VEPH1: variants seen among roughly 807,000 people sequenced by gnomAD.
The protein encoded by VEPH1 is ventricular zone expressed PH domain containing 1.
In VEPH1, 80 loss-of-function variants were observed where a neutral mutation model predicts 85.2. The observed-to-expected ratio is 0.94, with a 90% CI of 0.78 to 1.13. VEPH1 has a LOEUF of 1.13. VEPH1 is among the 50% of genes most tolerant of loss of function. VEPH1 has a pLI of 0.00. For synonymous variants in VEPH1, 297 were observed against 348.0 expected, an observed-to-expected ratio of 0.85 and a Z score of 1.63; for missense variants, 955 against 980.5, an observed-to-expected ratio of 0.97 and a Z score of 0.35.
chr3:157,479,040 T>A (rs906155262), intron 2 of VEPH1, among the ~76,000 whole-genome samples: 1 of 152,078 alleles, frequency 6.6e-6, no homozygotes, highest in African/African-American at 2.4e-5. Flanking sequence ...CAAAAAAAAA[T>A]TTTAACCTGT....
At chr3:157,349,469 G>T (rs1165477780) in intron 9 of VEPH1, among the ~76,000 whole-genome samples, 1 of 152,100 alleles carries the variant, frequency 6.6e-6, no homozygotes, top group Non-Finnish European at 1.5e-5. Context: ...TTAAGAACTG[G>T]AACAGGATTA....
chr3:157,394,362 T>A (rs1355418642), intron 6 of VEPH1, among the ~76,000 whole-genome samples: 1 of 152,216 alleles, frequency 6.6e-6, no homozygotes, highest in African/African-American at 2.4e-5. Flanking sequence ...TTTCCTAAGT[T>A]TGAATCTGGC....
At chr3:157,327,724 T>C (rs182100448) in intron 9 of VEPH1, among the ~76,000 whole-genome samples, 1 of 152,300 alleles carries the variant, frequency 6.6e-6, no homozygotes, top group African/African-American at 2.4e-5. Context: ...TTGGTGCATA[T>C]AGACTTGCAA....
intron 9 of VEPH1, among the ~76,000 whole-genome samples, chr3:157,320,908 G>T (rs10936079): frequency 0.47 from 71,709 of 151,816 alleles, 18,610 homozygotes; most frequent in Admixed American, 0.61. Flanking sequence ...TTTATATGCC[G>T]TTATTCCTGC....
intron 4 of VEPH1, among the ~76,000 whole-genome samples, chr3:157,451,063 C>G (rs966374804): frequency 4.7e-4 from 72 of 152,242 alleles, no homozygotes; most frequent in African/African-American, 1.7e-3. Flanking sequence ...GTATTGATAT[C>G]ATGGTATTGA....
intron 7 of VEPH1, among the ~76,000 whole-genome samples, chr3:157,369,186 A>ACAAAAAC (rs200338260): frequency 7.8e-5 from 11 of 141,064 alleles, no homozygotes; most frequent in African/African-American, 2.9e-4. Context: ...AAATGAAAAA[A>ACAAAAAC]AAAAAAAAAA....
chr3:157,409,987 T>C, intron 6 of VEPH1: 1 of 933,704 alleles, frequency 1.1e-6, no homozygotes, highest in East Asian at 1.2e-4. Flanking sequence ...GTCAGTATGC[T>C]CTGATCAGTC....
At chr3:157,451,926 G>A (rs1735000659) in intron 4 of VEPH1, among the ~76,000 whole-genome samples, 1 of 152,142 alleles carries the variant, frequency 6.6e-6, no homozygotes, top group South Asian at 2.1e-4. Flanking sequence ...AAAGAAAAGT[G>A]TAAAGAATTA....
At chr3:157,405,359 C>T (rs576823903) in intron 6 of VEPH1, among the ~76,000 whole-genome samples, 2 of 152,248 alleles carry the variant, frequency 1.3e-5, no homozygotes, top group East Asian at 3.9e-4. Flanking sequence ...TGTCCTTTCG[C>T]CAGCTCTTTA....
intron 2 of VEPH1, among the ~76,000 whole-genome samples, chr3:157,491,856 T>C (rs1739239860): frequency 6.6e-6 from 1 of 152,202 alleles, no homozygotes; most frequent in Non-Finnish European, 1.5e-5. Flanking sequence ...ACAAGATAAA[T>C]GTGGACAACT....
intron 9 of VEPH1, among the ~76,000 whole-genome samples, chr3:157,320,697 T>C (rs1209503512): frequency 6.6e-6 from 1 of 152,136 alleles, no homozygotes; most frequent in Non-Finnish European, 1.5e-5. Flanking sequence ...TTGGTCTTTA[T>C]AAAGACTAAA....
intron 9 of VEPH1, among the ~76,000 whole-genome samples, chr3:157,325,901 G>A (rs111329659): frequency 2.6e-5 from 4 of 152,226 alleles, no homozygotes; most frequent in African/African-American, 9.6e-5. Flanking sequence ...GAATAGCATT[G>A]AATCTATAAA....
chr3:157,474,360 A>T (rs534194906), intron 2 of VEPH1, among the ~76,000 whole-genome samples: 13 of 151,880 alleles, frequency 8.6e-5, no homozygotes, highest in African/African-American at 3.1e-4. Flanking sequence ...TCTGGCATGA[A>T]TTTTTTCTTA....
At chr3:157,369,008 G>A (rs10936085) in intron 7 of VEPH1, among the ~76,000 whole-genome samples, 60,896 of 150,624 alleles carry the variant, frequency 0.4, 13,209 homozygotes, top group East Asian at 0.75. Context: ...CAACCCATCT[G>A]GTCTGGCACA....
chr3:157,394,878 A>G (rs1730216231), intron 6 of VEPH1, among the ~76,000 whole-genome samples: 1 of 152,132 alleles, frequency 6.6e-6, no homozygotes, highest in African/African-American at 2.4e-5. Flanking sequence ...TCCTGGACCT[A>G]TGAATCCTAC....
At chr3:157,328,223 A>G (rs1722138135) in intron 9 of VEPH1, among the ~76,000 whole-genome samples, 1 of 146,560 alleles carries the variant, frequency 6.8e-6, no homozygotes, top group Admixed American at 6.6e-5. Flanking sequence ...GAGCATAAAG[A>G]GTTAATTCAT....
chr3:157,498,763 G>C (rs970804350), intron 1 of VEPH1, among the ~76,000 whole-genome samples: 1 of 152,120 alleles, frequency 6.6e-6, no homozygotes, highest in Admixed American at 6.5e-5. Flanking sequence ...TTCTCCTGCT[G>C]TTCTTTTTGC....
intron 5 of VEPH1, 45 bp downstream of exon 5, chr3:157,428,277 C>T: frequency 1.2e-6 from 2 of 1,600,574 alleles, no homozygotes; most frequent in Middle Eastern, 3.4e-4. Flanking sequence ...CACAAAGAAA[C>T]ATGCCTGGTT....
At chr3:157,387,703 A>T (rs1281586396) in intron 6 of VEPH1, among the ~76,000 whole-genome samples, 6 of 152,150 alleles carry the variant, frequency 3.9e-5, no homozygotes, top group Non-Finnish European at 8.8e-5. Flanking sequence ...CCTCCTTGTG[A>T]GTGGTTCTCA....
Sources: gnomAD v4.1 joint callset for allele counts (sites outside exome capture counted in the v4.1 genomes callset) on GRCh38, gnomAD v4.1.1 for gene constraint, MANE v1.5 for transcripts, NCBI Gene and HGNC (gene_info 2026-07-23, HGNC 2026-07-21) for gene names.